The following DYSF variants were observed in gnomAD, a reference collection of about 807,000 sequenced individuals.
DYSF encodes the protein dystrophy-associated fer-1-like 1.
A neutral mutation model predicts 274.9 loss-of-function variants in DYSF; 212 were observed. The observed-to-expected ratio is 0.77, with a 90% CI of 0.69 to 0.86. The LOEUF is 0.86. DYSF is among the 40% of genes least tolerant of loss of function. The pLI is 0.00. For missense variants in DYSF, 2,666 were observed against 2,783.2 expected (o/e 0.96, Z 0.95); for synonymous variants, 1,091 against 1,078.7 (o/e 1.01, Z -0.22).
chr2:71,561,652 AG>A, intron 22 of DYSF, 99 bp from the exon 23 acceptor site: 4 of 1,418,982 alleles, frequency 2.8e-6, no homozygotes, highest in Non-Finnish European at 4.0e-6. Flanking sequence ...AGGCAGGCGG[AG>A]GGGGTGGGGC....
intron 41 of DYSF, among the ~76,000 whole-genome samples, chr2:71,631,417 G>A (rs990373210): frequency 2.0e-5 from 3 of 152,168 alleles, no homozygotes; most frequent in African/African-American, 7.2e-5. Context: ...GAAAGTAACT[G>A]TACTTCTTTA....
rs952978128 is a variant in DYSF at position 71,612,661 on chromosome 2, C to T, written c.4242C>T (p.Leu1414=). The T allele has an allele frequency of 1.9e-6, 3 of 1,614,030 alleles. No individual in the cohort carries two copies. The African/African-American group carries it at 4.0e-5, about 22-fold the overall frequency. The stretch of plus-strand genomic sequence containing the variant: ...CCCAGATGCTGCCCAGGGAGGAGCT[C>T]TACTGCCCCCCCATCACCGTCAAGG... ...FMEVMLPREE[L]YCPPITVKVI... Residue 1414 remains leucine (L), a synonymous_variant, in exon 39 of 56, where the codon CTC becomes CTT. Coordinates refer to ENST00000410020, the MANE Select transcript of DYSF (RefSeq NM_001130987.2).
At chr2:71,655,168 T>C (rs887399797) in intron 42 of DYSF, among the ~76,000 whole-genome samples, 13 of 152,124 alleles carry the variant, frequency 8.5e-5, no homozygotes, top group Non-Finnish European at 1.5e-4. Flanking sequence ...AAAAATTATA[T>C]ATATAAAGAA....
Position 71,667,506 on chromosome 2 carries a change from C to T in DYSF, c.5448C>T (p.Asp1816=), listed in dbSNP as rs760654351. The T allele has an allele frequency of 1.5e-5, 25 of 1,614,010 alleles. No individual in the cohort carries two copies. The South Asian group carries it at 2.7e-4, about 18-fold the overall frequency. The part of the protein sequence containing the change: ...SRPLYSPLQP[D]IEQGKLQMWV... ...CCCTCTACAGCCCCCTGCAGCCAGA[C>T]ATCGAGCAGGTAGGACCTTGACCCT... Residue 1816 remains aspartate, a synonymous_variant, in exon 48 of 56, where the codon GAC becomes GAT. Coordinates refer to ENST00000410020, the MANE Select transcript of DYSF (RefSeq NM_001130987.2).
At chr2:71,466,985 G>A in intron 1 of DYSF, 52 bp downstream of exon 1, 1 of 1,533,332 alleles carries the variant, frequency 6.5e-7, no homozygotes, top group Non-Finnish European at 8.8e-7. Context: ...CCGACTCTCG[G>A]CGCTCACTGG....
chr2:71,546,954 G>T (rs2090524733), intron 17 of DYSF, among the ~76,000 whole-genome samples: 1 of 152,212 alleles, frequency 6.6e-6, no homozygotes. Flanking sequence ...GGGCTGGGAG[G>T]TCCTGCTGTC....
chr2:71,553,179 G>A lies in DYSF; in HGVS notation c.1975G>A (p.Val659Ile). 6.2e-7 allele frequency: 1 copy of A among 1,614,080 alleles called. No homozygotes were observed. The highest frequency in any genetic ancestry group is 8.5e-7 in the Non-Finnish European group (1 of 1,180,030). The change falls in exon 20 of 56, where the codon GTC (valine) becomes ATC (isoleucine). Residue 659 changes from valine to isoleucine, a missense_variant. By Grantham distance (29) the Val-to-Ile change is conservative (BLOSUM62 3). Coordinates refer to ENST00000410020, the MANE Select transcript of DYSF (RefSeq NM_001130987.2). ...LASTTQYSRA[V>I]FDGCHYYYLP... is the part of the protein sequence containing the mutation. ...CTCCACCACTCAGTACAGCCGTGCA[G>A]TCTTTGACGGTGAGGCAGTGCTCCT...
At chr2:71,623,618 A>G (rs1166755377) in intron 41 of DYSF, among the ~76,000 whole-genome samples, 2 of 152,064 alleles carry the variant, frequency 1.3e-5, no homozygotes, top group Non-Finnish European at 2.9e-5. Context: ...TCCAAAATGC[A>G]TTATCCAGGA....
At chr2:71,476,838 T>TCC (rs35979793) in intron 1 of DYSF, among the ~76,000 whole-genome samples, 3 of 145,448 alleles carry the variant, frequency 2.1e-5, no homozygotes, top group African/African-American at 7.7e-5. Context: ...TTTTTTTTTT[T>TCC]CCATGGAATA....
intron 42 of DYSF, among the ~76,000 whole-genome samples, chr2:71,654,539 TTGGGAGGCGGAGG>T (rs1486395020): frequency 3.9e-5 from 6 of 152,170 alleles, no homozygotes; most frequent in Non-Finnish European, 7.4e-5. Context: ...TCCCTGCACT[TTGGGAGGCGGAGG>T]TGGGAGGATT....
At chr2:71,601,215 C>T (rs1045011397) in intron 34 of DYSF, 2 of 598,642 alleles carry the variant, frequency 3.3e-6, no homozygotes, top group East Asian at 2.8e-5. Context: ...GGGCCAGCCA[C>T]TCCCCTGCTG....
chr2:71,497,003 G>T (rs1478340359), intron 3 of DYSF, among the ~76,000 whole-genome samples: 1 of 152,130 alleles, frequency 6.6e-6, no homozygotes, highest in Non-Finnish European at 1.5e-5. Context: ...GTGAAATCAG[G>T]CAAGTCAAAC....
intron 30 of DYSF, among the ~76,000 whole-genome samples, chr2:71,582,782 G>T (rs772515195): frequency 1.8e-4 from 28 of 152,286 alleles, no homozygotes; most frequent in Non-Finnish European, 3.7e-4. Flanking sequence ...ACACAGAGCT[G>T]GGAAGAGACG....
At chr2:71,601,144 C>T (rs1341155888) in intron 34 of DYSF, 6 of 586,932 alleles carry the variant, frequency 1.0e-5, no homozygotes, top group Non-Finnish European at 1.8e-5. Flanking sequence ...ACTCCAGGGA[C>T]AGGCAAGGGC....
intron 4 of DYSF, among the ~76,000 whole-genome samples, chr2:71,510,660 C>A (rs1200618266): frequency 6.6e-6 from 1 of 152,212 alleles, no homozygotes; most frequent in East Asian, 1.9e-4. Flanking sequence ...TCTCTTGGGA[C>A]TGAGTTTGCT....
At position 71,679,037 on chromosome 2, in the gene DYSF, A is replaced by G. The variant is rs911922730; in HGVS notation, c.5885-20A>G. On this transcript the variant is annotated intron_variant, in intron 52 of 55. Transcript: ENST00000410020. ...CAGTGATCGAGAAACCCTTGGCCAA[A>G]AACTACCTCTCTGTTGCAGGCTCCC... The G allele has an allele frequency of 1.7e-5, 27 of 1,613,762 alleles. No homozygotes were observed. The highest frequency in any genetic ancestry group is 2.2e-5 in the Non-Finnish European group (26 of 1,179,782).
At position 71,570,958 on chromosome 2, in the gene DYSF, CCCAGCA is replaced by C. The variant is rs1251120918; in HGVS notation, c.3228+218_3228+223del. ...ACACCCAGCATACCCAAAGATCACA[CCCAGCA>C]TACACACAGATCACACCCAGCACAC... On this transcript the variant is annotated intron_variant, in intron 29 of 55. Transcript: ENST00000410020. 4,060 of 628,478 alleles carry C rather than the reference CCCAGCA, an allele frequency of 6.5e-3. 50 individuals are homozygous for C. The highest frequency in any genetic ancestry group is 0.014 in the Middle Eastern group (31 of 2,178). The allele number at this position is 628,478 out of a possible 1,614,324, so 38.9% of individuals were successfully genotyped here.
chr2:71,501,005 C>G (rs2084917857), intron 3 of DYSF, among the ~76,000 whole-genome samples: 1 of 152,136 alleles, frequency 6.6e-6, no homozygotes, highest in South Asian at 2.1e-4. Flanking sequence ...TTGACATTGT[C>G]TGGGTCCTGA....
Position 71,472,545 on chromosome 2 carries a change from T to C in DYSF, c.91+5612T>C, listed in dbSNP as rs965729196. ...CCTCAGCCTCCCAAGTAGCTGGGACTACAGGCGTCCACCACCACGCCAGGC... is the reference window on the plus strand; with the variant it reads ...CCTCAGCCTCCCAAGTAGCTGGGACCACAGGCGTCCACCACCACGCCAGGC... On this transcript the variant is annotated intron_variant, in intron 1 of 55. Transcript: ENST00000410020. Among the ~76,000 whole-genome samples the C allele has an allele frequency of 3.9e-5, 6 of 152,358 alleles. No individual in the cohort carries two copies. In the East Asian group the frequency reaches 1.2e-3, roughly 29 times the overall value.
Sources: allele counts gnomAD v4.1 joint callset (sites outside exome capture counted in the v4.1 genomes callset), GRCh38; gene constraint gnomAD v4.1.1; transcripts MANE v1.5; gene names NCBI Gene and HGNC (gene_info 2026-07-23, HGNC 2026-07-21).